Variants in SGCZ observed in about 807,000 individuals in gnomAD.
SGCZ encodes sarcoglycan zeta.
Under a neutral mutation model 41.3 loss-of-function variants are expected in SGCZ, and 40 were observed. The ratio of observed to expected loss-of-function variants is 0.97; its 90% confidence interval spans 0.75 to 1.26. The LOEUF (loss-of-function observed/expected upper bound fraction) is 1.26. Ranked by LOEUF, SGCZ falls within the 50% of genes most tolerant of loss-of-function variation. The probability of loss-of-function intolerance (pLI) is 0.00; values close to 1 mark genes in which losing one functional copy is unlikely to be tolerated. For missense variants in SGCZ, 552 were observed against 369.8 expected, an observed-to-expected ratio of 1.49 and a Z score of -4.04; for synonymous variants, 206 against 137.5, an observed-to-expected ratio of 1.50 and a Z score of -3.49.
At chr8:14,372,041 T>TA (rs1232938816) in intron 2 of SGCZ, among the ~76,000 whole-genome samples, 1 of 151,916 alleles carries the variant, frequency 6.6e-6, no homozygotes, top group African/African-American at 2.4e-5. Flanking sequence ...TATAGATCAA[T>TA]ATGGACTAGA....
chr8:14,915,632 C>T (rs191323906), intron 1 of SGCZ, among the ~76,000 whole-genome samples: 7 of 152,224 alleles, frequency 4.6e-5, no homozygotes, highest in Admixed American at 2.0e-4. Context: ...TAGGGCACGG[C>T]GACCAGCCTT....
intron 1 of SGCZ, among the ~76,000 whole-genome samples, chr8:14,633,278 G>C (rs1192375503): frequency 1.3e-5 from 2 of 151,912 alleles, no homozygotes; most frequent in Non-Finnish European, 1.5e-5. Flanking sequence ...ATTAATTTCT[G>C]GAGAGGGACA....
rs112716595 is a variant in SGCZ at position 14,418,692 on chromosome 8, T to C, written c.235-94488A>G. Among the ~76,000 whole-genome samples, 878 of 152,056 alleles carry C rather than the reference T, an allele frequency of 5.8e-3. 6 individuals carry two copies. Among genetic ancestry groups the C allele is most frequent in the African/African-American group, 0.02 (826 of 41,532 alleles). ...AGATACTTTTATAGAAATGTAAACA[T>C]GCCACAATCAATTTATATTTTATAA... On this transcript the variant is annotated intron_variant, in intron 2 of 7. Coordinates refer to ENST00000382080, the MANE Select transcript of SGCZ (RefSeq NM_139167.4).
chr8:14,473,688 A>T (rs1801275384), intron 2 of SGCZ, among the ~76,000 whole-genome samples: 1 of 152,160 alleles, frequency 6.6e-6, no homozygotes, highest in Admixed American at 6.5e-5. Context: ...CTGTAATCCC[A>T]GCACTTTGGG....
Position 14,882,777 on chromosome 8 carries a change from C to T in SGCZ, c.40-327851G>A, listed in dbSNP as rs533050538. 1.2e-4 allele frequency among the ~76,000 whole-genome samples: 19 copies of T among 152,220 alleles called. No individual in the cohort carries two copies. In the South Asian group the frequency reaches 3.1e-3, roughly 25 times the overall value. On this transcript the variant is annotated intron_variant, in intron 1 of 7. Transcript: ENST00000382080. ...CTATTTTTCTATCTCCAGGTCCACTCTGTCTTAGCTTTTTCCCTTTTCGCA... is the reference window on the plus strand; with the variant it reads ...CTATTTTTCTATCTCCAGGTCCACTTTGTCTTAGCTTTTTCCCTTTTCGCA...
intron 4 of SGCZ, among the ~76,000 whole-genome samples, chr8:14,205,616 A>C (rs79798510): frequency 0.024 from 3,635 of 152,254 alleles, 151 homozygotes; most frequent in African/African-American, 0.082. Context: ...CTGACAAAGC[A>C]AACTATATAA....
intron 1 of SGCZ, among the ~76,000 whole-genome samples, chr8:14,683,126 T>C (rs1808501386): frequency 6.6e-6 from 1 of 152,200 alleles, no homozygotes; most frequent in Admixed American, 6.5e-5. Flanking sequence ...ACTTCAAGTA[T>C]GTCACAAAAT....
At chr8:14,646,018 G>C in intron 1 of SGCZ, among the ~76,000 whole-genome samples, 1 of 31,396 alleles carries the variant, frequency 3.2e-5, no homozygotes. Context: ...ACAAATTAAA[G>C]TAGCTTGTAG....
intron 5 of SGCZ, among the ~76,000 whole-genome samples, chr8:14,122,365 A>G (rs1267059916): frequency 6.6e-6 from 1 of 152,190 alleles, no homozygotes; most frequent in Non-Finnish European, 1.5e-5. Context: ...GAGAGGGCAA[A>G]ATAACAAAAA....
At chr8:14,162,457 C>G (rs574893034) in intron 5 of SGCZ, 53 of 152,306 alleles carry the variant, frequency 3.5e-4, no homozygotes, top group African/African-American at 1.2e-3. Context: ...ACCTCACTTA[C>G]TCACCAACAA....
intron 5 of SGCZ, among the ~76,000 whole-genome samples, 171 bp downstream of exon 5, chr8:14,164,409 T>C (rs950486169): frequency 6.6e-6 from 1 of 152,192 alleles, no homozygotes; most frequent in African/African-American, 2.4e-5. Context: ...CATTCTTTTC[T>C]ACAACCACAA....
At chr8:14,505,904 T>C (rs941486538) in intron 2 of SGCZ, among the ~76,000 whole-genome samples, 5 of 152,156 alleles carry the variant, frequency 3.3e-5, no homozygotes, top group African/African-American at 1.2e-4. Flanking sequence ...CTTCAGGTGA[T>C]TCGAACGCAA....
intron 5 of SGCZ, among the ~76,000 whole-genome samples, chr8:14,131,540 C>T (rs1157414812): frequency 6.6e-6 from 1 of 152,156 alleles, no homozygotes; most frequent in Non-Finnish European, 1.5e-5. Flanking sequence ...AGTTCCTTCT[C>T]TCTTGCTGCT....
At chr8:14,364,159 T>G (rs945587147) in intron 2 of SGCZ, among the ~76,000 whole-genome samples, 1 of 152,220 alleles carries the variant, frequency 6.6e-6, no homozygotes, top group African/African-American at 2.4e-5. Context: ...AAAATCCTAT[T>G]TTTAACACTA....
chr8:14,335,359 T>C (rs1325848345), intron 2 of SGCZ, among the ~76,000 whole-genome samples: 1 of 152,144 alleles, frequency 6.6e-6, no homozygotes, highest in Non-Finnish European at 1.5e-5. Flanking sequence ...TGTAGATTTC[T>C]ATCTATCTCA....
At chr8:14,579,220 G>C (rs371561887) in intron 1 of SGCZ, among the ~76,000 whole-genome samples, 4 of 152,222 alleles carry the variant, frequency 2.6e-5, no homozygotes, top group African/African-American at 9.6e-5. Context: ...GTCATCTCAA[G>C]TGTTGAATGC....
intron 2 of SGCZ, among the ~76,000 whole-genome samples, chr8:14,384,743 G>C (rs947381217): frequency 1.3e-5 from 2 of 152,100 alleles, no homozygotes; most frequent in African/African-American, 4.8e-5. Flanking sequence ...TAGAGACGAG[G>C]TTTTGCCATG....
At chr8:14,922,335 C>G (rs911707803) in intron 1 of SGCZ, among the ~76,000 whole-genome samples, 1 of 152,104 alleles carries the variant, frequency 6.6e-6, no homozygotes, top group African/African-American at 2.4e-5. Context: ...TGCTTTCAAA[C>G]TAAAAACATC....
chr8:15,101,583 T>A (rs1167854469), intron 1 of SGCZ, among the ~76,000 whole-genome samples: 1 of 152,122 alleles, frequency 6.6e-6, no homozygotes, highest in Non-Finnish European at 1.5e-5. Flanking sequence ...CACCATCAAA[T>A]GCTGGTGAAG....
Sources: allele counts gnomAD v4.1 joint callset (sites outside exome capture counted in the v4.1 genomes callset), GRCh38; gene constraint gnomAD v4.1.1; transcripts MANE v1.5; gene names NCBI Gene and HGNC (gene_info 2026-07-23, HGNC 2026-07-21).